The following ALCAM variants were observed in gnomAD, a reference collection of about 807,000 sequenced individuals.
ALCAM encodes activated leukocyte cell adhesion molecule.
In ALCAM, 30 loss-of-function variants were observed where a neutral mutation model predicts 70.9. That is an observed-to-expected ratio of 0.42 (90% CI 0.32 to 0.57). The LOEUF (loss-of-function observed/expected upper bound fraction) is 0.57, where lower values mean the gene tolerates loss of function less well. Among genes scored for constraint, ALCAM ranks in the 20% least tolerant of loss-of-function variants. The pLI is 0.11. For synonymous variants in ALCAM, 249 were observed against 242.5 expected, an observed-to-expected ratio of 1.03 and a Z score of -0.25; for missense variants, 591 against 695.1, an observed-to-expected ratio of 0.85 and a Z score of 1.68.
intron 14 of ALCAM, among the ~76,000 whole-genome samples, chr3:105,570,926 A>T (rs1559660986): frequency 6.6e-6 from 1 of 152,054 alleles, no homozygotes; most frequent in African/African-American, 2.4e-5. Context: ...CTTATTCTGG[A>T]TGCTGGGAGG....
At chr3:105,408,675 G>A (rs1479118838) in intron 1 of ALCAM, among the ~76,000 whole-genome samples, 2 of 152,084 alleles carry the variant, frequency 1.3e-5, no homozygotes, top group Middle Eastern at 3.4e-3. Flanking sequence ...AAAAGCAAAT[G>A]CAACAAAAAC....
At chr3:105,395,231 A>G (rs1157936648) in intron 1 of ALCAM, among the ~76,000 whole-genome samples, 1 of 151,962 alleles carries the variant, frequency 6.6e-6, no homozygotes, top group Admixed American at 6.6e-5. Context: ...ATATATATTT[A>G]GTGACCACAA....
intron 1 of ALCAM, among the ~76,000 whole-genome samples, chr3:105,425,863 A>T (rs1354071534): frequency 6.6e-6 from 1 of 151,600 alleles, no homozygotes; most frequent in East Asian, 1.9e-4. Flanking sequence ...CTTGTGCAAT[A>T]ATCTTTACCT....
intron 1 of ALCAM, among the ~76,000 whole-genome samples, chr3:105,402,124 A>G (rs576680437): frequency 2.6e-5 from 4 of 152,356 alleles, no homozygotes; most frequent in African/African-American, 9.6e-5. Flanking sequence ...TTATACAGAA[A>G]GTAAATAAAA....
At chr3:105,368,759 G>C (rs1048714101) in intron 1 of ALCAM, among the ~76,000 whole-genome samples, 7 of 152,064 alleles carry the variant, frequency 4.6e-5, no homozygotes, top group African/African-American at 1.4e-4. Context: ...TGCCGTTGCT[G>C]TGTGTGTGGG....
chr3:105,417,929 CA>C (rs1161434090), intron 1 of ALCAM, among the ~76,000 whole-genome samples: 1 of 149,350 alleles, frequency 6.7e-6, no homozygotes, highest in African/African-American at 2.5e-5. Context: ...CCCTTTTTTT[CA>C]AAAATGAATA....
chr3:105,481,990 C>G (rs1363351859), intron 1 of ALCAM, among the ~76,000 whole-genome samples: 1 of 151,214 alleles, frequency 6.6e-6, no homozygotes, highest in Non-Finnish European at 1.5e-5. Context: ...TATTATTTAA[C>G]AGATTTCGTA....
At chr3:105,484,758 G>T (rs1309263442) in intron 1 of ALCAM, among the ~76,000 whole-genome samples, 1 of 152,066 alleles carries the variant, frequency 6.6e-6, no homozygotes, top group Admixed American at 6.6e-5. Flanking sequence ...ATTTGCTCAG[G>T]TTAATATGCT....
In ALCAM at chr3:105,392,533, G is replaced by C. The variant is rs372439535; in HGVS notation, c.73+25052G>C. ...TATTATTTAAAAAAAATAGCTCGTA[G>C]ATTCATTGATTTTTTTGAAGGGTTT... is the stretch of plus-strand genomic sequence containing the variant. On this transcript the variant is annotated intron_variant, in intron 1 of 15. Coordinates refer to ENST00000306107, the MANE Select transcript of ALCAM (RefSeq NM_001627.4). Among the ~76,000 whole-genome samples, 5 of 151,330 alleles carry C rather than the reference G, an allele frequency of 3.3e-5. No homozygotes were observed. The East Asian group carries it at 9.7e-4, about 29-fold the overall frequency.
intron 14 of ALCAM, among the ~76,000 whole-genome samples, chr3:105,568,063 A>ATTTTTTTTTTT (rs71111369): frequency 5.1e-5 from 6 of 116,948 alleles, no homozygotes; most frequent in Non-Finnish European, 1.1e-4. Context: ...ATTTTATTTT[A>ATTTTTTTTTTT]TTTTTTTTTT....
chr3:105,532,408 G>A (rs1207219992), intron 4 of ALCAM, among the ~76,000 whole-genome samples: 1 of 152,144 alleles, frequency 6.6e-6, no homozygotes, highest in Non-Finnish European at 1.5e-5. Flanking sequence ...TTGAGCCCAG[G>A]AATGTACAGC....
At chr3:105,415,052 G>C (rs894503895) in intron 1 of ALCAM, among the ~76,000 whole-genome samples, 4 of 152,098 alleles carry the variant, frequency 2.6e-5, no homozygotes, top group Non-Finnish European at 2.9e-5. Flanking sequence ...GGCCTCCTCT[G>C]TTAAACAGTG....
intron 8 of ALCAM, 45 bp downstream of exon 8, chr3:105,541,810 C>T (rs772885676): frequency 1.9e-6 from 3 of 1,603,684 alleles, no homozygotes; most frequent in Non-Finnish European, 2.6e-6. Flanking sequence ...TCAAAGGCTT[C>T]TAATAGCTTA....
chr3:105,453,389 G>A (rs1937481587), intron 1 of ALCAM, among the ~76,000 whole-genome samples: 1 of 152,108 alleles, frequency 6.6e-6, no homozygotes, highest in Non-Finnish European at 1.5e-5. Context: ...TTGTAGATGT[G>A]TGGTGTTATT....
chr3:105,470,146 C>G (rs938807375), intron 1 of ALCAM, among the ~76,000 whole-genome samples: 1 of 150,304 alleles, frequency 6.7e-6, no homozygotes, highest in Non-Finnish European at 1.5e-5. Context: ...CACACACACA[C>G]ACACACACAC....
At chr3:105,563,914 C>T (rs1376685933) in intron 14 of ALCAM, among the ~76,000 whole-genome samples, 2 of 150,758 alleles carry the variant, frequency 1.3e-5, no homozygotes, top group Non-Finnish European at 3.0e-5. Context: ...GTCTCGATCT[C>T]CTGACCTCAT....
At chr3:105,533,718 G>A (rs763396627) in intron 5 of ALCAM, 28 bp downstream of exon 5, 1 of 1,590,842 alleles carries the variant, frequency 6.3e-7, no homozygotes, top group Non-Finnish European at 8.6e-7. Flanking sequence ...AGGACAGGGA[G>A]TACATTCAGA....
intron 1 of ALCAM, among the ~76,000 whole-genome samples, chr3:105,469,367 A>G (rs1225967800): frequency 6.6e-6 from 1 of 151,022 alleles, no homozygotes; most frequent in Non-Finnish European, 1.5e-5. Flanking sequence ...TCTCCCTCCA[A>G]TTCTCTCTTT....
intron 1 of ALCAM, among the ~76,000 whole-genome samples, chr3:105,462,013 G>A (rs1325441318): frequency 6.6e-6 from 1 of 151,192 alleles, no homozygotes; most frequent in African/African-American, 2.4e-5. Flanking sequence ...ATAATCCTGG[G>A]GAAATATAGT....
Sources: gnomAD v4.1 joint callset for allele counts (sites outside exome capture counted in the v4.1 genomes callset) on GRCh38, gnomAD v4.1.1 for gene constraint, MANE v1.5 for transcripts, NCBI Gene and HGNC (gene_info 2026-07-23, HGNC 2026-07-21) for gene names.